CHRNA7: variants seen among roughly 807,000 people sequenced by gnomAD.
CHRNA7 encodes the protein cholinergic receptor nicotinic alpha 7 subunit.
CHRNA7 carries 17 observed loss-of-function variants against 48.0 expected under a neutral mutation model. That is an observed-to-expected ratio of 0.35 (90% confidence interval 0.24 to 0.53). The LOEUF (loss-of-function observed/expected upper bound fraction) is 0.53. Among genes scored for constraint, CHRNA7 ranks in the 20% least tolerant of loss-of-function variants. The pLI is 0.92. For missense variants in CHRNA7, 155 were observed against 577.7 expected (o/e 0.27, Z 7.50); for synonymous variants, 75 against 242.3 (o/e 0.31, Z 6.41).
intron 2 of CHRNA7, among the ~76,000 whole-genome samples, chr15:32,048,585 G>A (rs569500441): frequency 9.9e-5 from 15 of 151,272 alleles, no homozygotes; most frequent in East Asian, 1.9e-4. Flanking sequence ...TCTTGCTAGC[G>A]GTCTATCAAT....
chr15:32,138,659 C>G (rs929272351), intron 4 of CHRNA7, among the ~76,000 whole-genome samples: 3 of 152,118 alleles, frequency 2.0e-5, no homozygotes, highest in Non-Finnish European at 4.4e-5. Context: ...GCTTCACTGC[C>G]CTAAAAATCC....
At position 32,098,352 on chromosome 15, in the gene CHRNA7, TG is replaced by T. The variant is rs558196452; in HGVS notation, c.196-2947del. The stretch of plus-strand genomic sequence containing the variant: ...CTGAACCTGCTTTTGGAGCAGCCTC[TG>T]GGGAGGGAGGGCTTTTCTTGCCAGC... On this transcript the variant is annotated intron_variant, in intron 2 of 9. Coordinates refer to ENST00000306901, the MANE Select transcript of CHRNA7 (RefSeq NM_000746.6). 3.1e-3 allele frequency among the ~76,000 whole-genome samples: 471 copies of T among 152,144 alleles called. 2 individuals carry two copies. The highest frequency in any genetic ancestry group is 0.011 in the African/African-American group (448 of 41,530).
intron 2 of CHRNA7, among the ~76,000 whole-genome samples, chr15:32,071,862 A>G (rs2050063945): frequency 6.6e-6 from 1 of 151,372 alleles, no homozygotes; most frequent in Admixed American, 6.6e-5. Context: ...AGTCTCAGGT[A>G]TTCCTTTATA....
intron 4 of CHRNA7, among the ~76,000 whole-genome samples, chr15:32,116,670 G>A (rs886277010): frequency 8.5e-5 from 13 of 152,192 alleles, no homozygotes; most frequent in African/African-American, 2.4e-4. Context: ...TCTGAATCCC[G>A]CAACTCTGCG....
chr15:32,140,009 G>A (rs2051348425), intron 4 of CHRNA7, among the ~76,000 whole-genome samples: 1 of 152,010 alleles, frequency 6.6e-6, no homozygotes, highest in Non-Finnish European at 1.5e-5. Flanking sequence ...TGCCATGTTG[G>A]CTTGCTGCAT....
chr15:32,114,792 G>T (rs964153325), intron 4 of CHRNA7, among the ~76,000 whole-genome samples: 3 of 152,210 alleles, frequency 2.0e-5, no homozygotes, highest in Non-Finnish European at 4.4e-5. Flanking sequence ...TCATGATGCC[G>T]TGGGCTGTCC....
intron 3 of CHRNA7, among the ~76,000 whole-genome samples, chr15:32,106,132 G>A (rs528543579): frequency 9.7e-4 from 148 of 152,092 alleles, no homozygotes; most frequent in Non-Finnish European, 1.3e-3. Flanking sequence ...GACCCAGCAC[G>A]ATAATGGACA....
chr15:32,097,395 C>T (rs1179111118), intron 2 of CHRNA7, among the ~76,000 whole-genome samples: 3 of 152,190 alleles, frequency 2.0e-5, no homozygotes, highest in Non-Finnish European at 4.4e-5. Context: ...TAGTCCATGA[C>T]GGTGCAGTCA....
chr15:32,150,385 T>C (rs62003658), intron 4 of CHRNA7, among the ~76,000 whole-genome samples: 22,483 of 152,184 alleles, frequency 0.15, 2,185 homozygotes, highest in Non-Finnish European at 0.21. Context: ...ATGTTGCTGC[T>C]ACTGAGGGTG....
intron 2 of CHRNA7, among the ~76,000 whole-genome samples, chr15:32,037,211 T>G (rs929470751): frequency 6.6e-6 from 1 of 152,226 alleles, no homozygotes; most frequent in African/African-American, 2.4e-5. Flanking sequence ...TTATTGCCTT[T>G]GCATCTTTGT....
intron 2 of CHRNA7, among the ~76,000 whole-genome samples, chr15:32,041,398 G>A (rs1016325046): frequency 3.3e-5 from 5 of 152,216 alleles, no homozygotes; most frequent in African/African-American, 7.2e-5. Context: ...CTCATAAGGA[G>A]CGTGCAACCT....
chr15:32,137,363 AAAAC>A (rs1464228924), intron 4 of CHRNA7, among the ~76,000 whole-genome samples: 3 of 150,842 alleles, frequency 2.0e-5, no homozygotes, highest in Non-Finnish European at 4.4e-5. Context: ...CACAGTAAGA[AAAAC>A]AAGTATAATT....
At chr15:32,124,139 A>G (rs545664987) in intron 4 of CHRNA7, among the ~76,000 whole-genome samples, 44 of 152,328 alleles carry the variant, frequency 2.9e-4, no homozygotes, top group East Asian at 1.2e-3. Context: ...ACTATATTGT[A>G]TATACAGAAG....
At chr15:32,121,242 G>A (rs1437813727) in intron 4 of CHRNA7, among the ~76,000 whole-genome samples, 1 of 152,178 alleles carries the variant, frequency 6.6e-6, no homozygotes, top group Admixed American at 6.5e-5. Context: ...TCAGTCGGCC[G>A]GGTGGTATTT....
At chr15:32,059,835 G>A (rs538831836) in intron 2 of CHRNA7, among the ~76,000 whole-genome samples, 37 of 146,960 alleles carry the variant, frequency 2.5e-4, no homozygotes, top group African/African-American at 9.0e-4. Flanking sequence ...CAGTACATCA[G>A]GTGTAAGGAA....
At chr15:32,087,104 T>C (rs1483370580) in intron 2 of CHRNA7, among the ~76,000 whole-genome samples, 2 of 152,202 alleles carry the variant, frequency 1.3e-5, no homozygotes, top group African/African-American at 4.8e-5. Context: ...TCTACATAAA[T>C]TGAAATTCTT....
At chr15:32,119,396 C>G (rs575156016) in intron 4 of CHRNA7, among the ~76,000 whole-genome samples, 1 of 152,156 alleles carries the variant, frequency 6.6e-6, no homozygotes, top group African/African-American at 2.4e-5. Flanking sequence ...TTAAAAAATC[C>G]ATCAATTGCC....
At chr15:32,056,817 A>C (rs938505709) in intron 2 of CHRNA7, among the ~76,000 whole-genome samples, 4 of 152,226 alleles carry the variant, frequency 2.6e-5, no homozygotes, top group Non-Finnish European at 5.9e-5. Flanking sequence ...AATGCCTTTA[A>C]TTAAATATCT....
chr15:32,064,090 C>T (rs959545913), intron 2 of CHRNA7, among the ~76,000 whole-genome samples: 1 of 152,072 alleles, frequency 6.6e-6, no homozygotes, highest in African/African-American at 2.4e-5. Flanking sequence ...TTTTCTTATT[C>T]CAATGTTCCA....
Sources: gnomAD v4.1 joint callset for allele counts (sites outside exome capture counted in the v4.1 genomes callset) on GRCh38, gnomAD v4.1.1 for gene constraint, MANE v1.5 for transcripts, NCBI Gene and HGNC (gene_info 2026-07-23, HGNC 2026-07-21) for gene names.